The following IQGAP2 variants were observed in gnomAD, a reference collection of about 807,000 sequenced individuals.
IQGAP2 encodes ras GTPase-activating-like protein IQGAP2.
IQGAP2 carries 173 observed loss-of-function variants against 201.3 expected under a neutral mutation model. The ratio of observed to expected loss-of-function variants is 0.86; its 90% CI spans 0.76 to 0.98. The LOEUF (loss-of-function observed/expected upper bound fraction) is 0.98, where lower values mean the gene tolerates loss of function less well. IQGAP2 is among the 50% of genes least tolerant of loss of function. The pLI, the probability that IQGAP2 is intolerant of heterozygous loss-of-function variation, is 0.00. For missense variants in IQGAP2, 1,687 were observed against 1,864.8 expected (o/e 0.90, Z 1.76); for synonymous variants, 675 against 673.9 (o/e 1.00, Z -0.03).
intron 2 of IQGAP2, among the ~76,000 whole-genome samples, chr5:76,501,801 C>T (rs931801143): frequency 6.6e-6 from 1 of 152,028 alleles, no homozygotes; most frequent in African/African-American, 2.4e-5. Context: ...CACCACCACA[C>T]CTGGCTAATT....
At chr5:76,689,974 G>C in intron 30 of IQGAP2, among the ~76,000 whole-genome samples, 1 of 152,090 alleles carries the variant, frequency 6.6e-6, no homozygotes. Flanking sequence ...TCTACAGTGG[G>C]GTTTGAGCAC....
intron 6 of IQGAP2, among the ~76,000 whole-genome samples, chr5:76,589,352 C>G (rs1746480690): frequency 6.6e-6 from 1 of 151,440 alleles, no homozygotes; most frequent in African/African-American, 2.4e-5. Flanking sequence ...CCTTTTTTCC[C>G]CATTTTGATA....
chr5:76,428,703 G>C (rs1171441192), intron 1 of IQGAP2, among the ~76,000 whole-genome samples: 2 of 151,380 alleles, frequency 1.3e-5, no homozygotes, highest in Non-Finnish European at 2.9e-5. Context: ...AAAGTGCTGG[G>C]ATTACAGGAC....
intron 18 of IQGAP2, among the ~76,000 whole-genome samples, chr5:76,653,097 T>C (rs1752647420): frequency 6.6e-6 from 1 of 152,242 alleles, no homozygotes; most frequent in Non-Finnish European, 1.5e-5. Context: ...ATAAATGTTC[T>C]TTGTCTAGAA....
At chr5:76,520,344 T>C (rs1758595172) in intron 2 of IQGAP2, among the ~76,000 whole-genome samples, 1 of 152,246 alleles carries the variant, frequency 6.6e-6, no homozygotes, top group Admixed American at 6.5e-5. Flanking sequence ...CCATATTTAG[T>C]AGAGACGGGG....
chr5:76,414,885 G>C (rs907278906), intron 1 of IQGAP2, among the ~76,000 whole-genome samples: 28 of 152,174 alleles, frequency 1.8e-4, no homozygotes, highest in Non-Finnish European at 2.9e-5. Context: ...TTTCACATTA[G>C]ATTAGGGGAA....
chr5:76,548,311 A>C (rs748115507), intron 2 of IQGAP2, among the ~76,000 whole-genome samples: 1 of 152,212 alleles, frequency 6.6e-6, no homozygotes, highest in Non-Finnish European at 1.5e-5. Context: ...CACTTCCGAA[A>C]GTGACCACAG....
intron 1 of IQGAP2, among the ~76,000 whole-genome samples, chr5:76,458,575 A>G (rs1292817719): frequency 6.6e-6 from 1 of 152,196 alleles, no homozygotes; most frequent in Admixed American, 6.5e-5. Flanking sequence ...AGGTGAGGCC[A>G]AAGTGTGTGT....
At chr5:76,701,268 C>T (rs571853236) in intron 34 of IQGAP2, 55 bp downstream of exon 34, 2 of 1,564,896 alleles carry the variant, frequency 1.3e-6, no homozygotes, top group Non-Finnish European at 1.8e-6. Flanking sequence ...TTTCTTGTGG[C>T]CTTGGAGAGA....
At chr5:76,426,112 A>G (rs879608005) in intron 1 of IQGAP2, among the ~76,000 whole-genome samples, 45 of 152,312 alleles carry the variant, frequency 3.0e-4, no homozygotes, top group African/African-American at 9.1e-4. Context: ...GTCAGCTGGC[A>G]CATCACCAGC....
At chr5:76,550,923 G>A (rs1296269386) in intron 2 of IQGAP2, among the ~76,000 whole-genome samples, 3 of 151,704 alleles carry the variant, frequency 2.0e-5, no homozygotes, top group Non-Finnish European at 2.9e-5. Context: ...TCCCACACGG[G>A]GCGGCCAGGC....
intron 2 of IQGAP2, among the ~76,000 whole-genome samples, chr5:76,462,161 A>T (rs146833718): frequency 6.6e-6 from 1 of 152,208 alleles, no homozygotes; most frequent in Non-Finnish European, 1.5e-5. Context: ...CAAATTCTTC[A>T]TCTCACTGGC....
chr5:76,675,999 T>A (rs554660995), intron 27 of IQGAP2, among the ~76,000 whole-genome samples: 1 of 151,742 alleles, frequency 6.6e-6, no homozygotes, highest in East Asian at 1.9e-4. Flanking sequence ...GAGGATCACT[T>A]GAGCCTTGGA....
intron 14 of IQGAP2, among the ~76,000 whole-genome samples, chr5:76,630,701 CA>C (rs1750625828): frequency 3.8e-5 from 2 of 52,640 alleles, no homozygotes; most frequent in Non-Finnish European, 4.1e-5. Flanking sequence ...ACAAACTTCT[CA>C]ATTGCCAGTA....
Position 76,707,407 on chromosome 5 carries a change from C to T in IQGAP2, c.*94C>T. 1 of 684,066 alleles carries T rather than the reference C, an allele frequency of 1.5e-6. No individual in the cohort carries two copies. Among genetic ancestry groups the T allele is most frequent in the East Asian group, 2.7e-5 (1 of 37,052 alleles). The allele number at this position is 684,066 out of a possible 1,614,324, so 42.4% of individuals were successfully genotyped here. ...TTTTTAAACATGATTGAAATCACTGCTTATAAATGTGTGATTTTTTTAAAA... is the reference window on the plus strand; with the variant it reads ...TTTTTAAACATGATTGAAATCACTGTTTATAAATGTGTGATTTTTTTAAAA... On this transcript the variant is annotated 3_prime_UTR_variant, in exon 36 of 36. Coordinates refer to ENST00000274364, the MANE Select transcript of IQGAP2 (RefSeq NM_006633.5).
intron 23 of IQGAP2, among the ~76,000 whole-genome samples, chr5:76,670,033 G>C (rs1045432684): frequency 1.3e-5 from 2 of 152,094 alleles, no homozygotes; most frequent in African/African-American, 4.8e-5. Flanking sequence ...ATGTTGGCCA[G>C]GCTGGTCTCG....
At chr5:76,640,827 A>G in intron 16 of IQGAP2, 106 bp from the exon 17 acceptor site, 1 of 834,668 alleles carries the variant, frequency 1.2e-6, no homozygotes. Context: ...CCAAGCCAAA[A>G]GGAGACATCC....
chr5:76,680,333 C>T (rs537031368), intron 28 of IQGAP2, among the ~76,000 whole-genome samples: 1 of 152,186 alleles, frequency 6.6e-6, no homozygotes, highest in Non-Finnish European at 1.5e-5. Context: ...AAAAAGTGAA[C>T]TCAAAATGGG....
chr5:76,548,831 G>A (rs1422436347), intron 2 of IQGAP2, among the ~76,000 whole-genome samples: 2 of 152,120 alleles, frequency 1.3e-5, no homozygotes, highest in Non-Finnish European at 2.9e-5. Flanking sequence ...TGGCTCTCCT[G>A]AACATATGTA....
Sources: allele counts gnomAD v4.1 joint callset (sites outside exome capture counted in the v4.1 genomes callset), GRCh38; gene constraint gnomAD v4.1.1; transcripts MANE v1.5; gene names NCBI Gene and HGNC (gene_info 2026-07-23, HGNC 2026-07-21).